Variants in KAZN observed in about 807,000 individuals in gnomAD.
The protein encoded by KAZN is kazrin.
Under a neutral mutation model 87.4 loss-of-function variants are expected in KAZN, and 40 were observed. That is an observed-to-expected ratio of 0.46 (90% CI 0.36 to 0.60). The LOEUF (loss-of-function observed/expected upper bound fraction) is 0.60. Ranked by LOEUF, KAZN falls within the 20% of genes least tolerant of loss-of-function variation. KAZN has a pLI of 0.00. For missense variants in KAZN, 898 were observed against 1,073.9 expected (o/e 0.84, Z 2.29); for synonymous variants, 466 against 458.3 (o/e 1.02, Z -0.22).
chr1:14,273,022 A>G (rs926945946), intron 2 of KAZN, among the ~76,000 whole-genome samples: 2 of 152,110 alleles, frequency 1.3e-5, no homozygotes, highest in Non-Finnish European at 2.9e-5. Flanking sequence ...AAGCTTAGAG[A>G]GAGGAAACGA....
intron 10 of KAZN, among the ~76,000 whole-genome samples, chr1:15,098,509 C>T (rs1446857406): frequency 6.6e-6 from 1 of 152,250 alleles, no homozygotes; most frequent in Non-Finnish European, 1.5e-5. Flanking sequence ...CACCCCAACT[C>T]TTGTTGCACC....
chr1:14,030,605 GAA>G (rs1641281262), intron 1 of KAZN, among the ~76,000 whole-genome samples: 1 of 149,740 alleles, frequency 6.7e-6, no homozygotes, highest in Non-Finnish European at 1.5e-5. Context: ...AAATGTGAAA[GAA>G]AGAGAAAAAA....
intron 2 of KAZN, among the ~76,000 whole-genome samples, chr1:14,292,634 A>G (rs1429131971): frequency 1.3e-5 from 2 of 152,182 alleles, no homozygotes; most frequent in Non-Finnish European, 2.9e-5. Context: ...GCCTCATTGC[A>G]GAGGTGCAGA....
intron 2 of KAZN, among the ~76,000 whole-genome samples, chr1:14,325,689 G>A (rs1656360630): frequency 6.6e-6 from 1 of 152,170 alleles, no homozygotes; most frequent in Non-Finnish European, 1.5e-5. Context: ...ATCTAAGTAG[G>A]TAGAAGAAAG....
chr1:15,070,640 G>C (rs950137486), intron 8 of KAZN, among the ~76,000 whole-genome samples: 17 of 152,178 alleles, frequency 1.1e-4, no homozygotes, highest in African/African-American at 4.1e-4. Context: ...TGAACCGTGG[G>C]GGACATCAGT....
intron 2 of KAZN, among the ~76,000 whole-genome samples, chr1:14,340,798 T>C (rs1048515424): frequency 1.3e-5 from 2 of 152,086 alleles, no homozygotes; most frequent in African/African-American, 2.4e-5. Flanking sequence ...TTGAATCAGT[T>C]AAAACAATTA....
At chr1:14,885,472 T>A (rs1653935287) in intron 1 of KAZN, among the ~76,000 whole-genome samples, 1 of 152,240 alleles carries the variant, frequency 6.6e-6, no homozygotes, top group South Asian at 2.1e-4. Context: ...CAGGTCTGCC[T>A]GTAGACTCTG....
chr1:14,039,208 C>T (rs533613048), intron 1 of KAZN, among the ~76,000 whole-genome samples: 47 of 151,182 alleles, frequency 3.1e-4, no homozygotes, highest in African/African-American at 1.1e-3. Context: ...AAAGTAATAG[C>T]TATTTGAGAA....
intron 2 of KAZN, among the ~76,000 whole-genome samples, chr1:14,443,523 G>A (rs866083302): frequency 1.9e-4 from 29 of 152,360 alleles, no homozygotes; most frequent in African/African-American, 7.0e-4. Flanking sequence ...GAGAGAGCAA[G>A]GGAGAGTCTC....
chr1:14,902,528 A>G (rs779092228), intron 1 of KAZN, among the ~76,000 whole-genome samples: 2 of 152,178 alleles, frequency 1.3e-5, no homozygotes, highest in Non-Finnish European at 2.9e-5. Flanking sequence ...GCGCCCAGCC[A>G]GAACTGCAAT....
chr1:14,873,881 G>A (rs1335783420), intron 1 of KAZN, among the ~76,000 whole-genome samples: 1 of 152,202 alleles, frequency 6.6e-6, no homozygotes, highest in Non-Finnish European at 1.5e-5. Context: ...TGACGTGGTG[G>A]ATGTGGTGGG....
In KAZN at chr1:14,949,420, T is replaced by G. The variant is rs1181027827; in HGVS notation, c.227-11264T>G. Among the ~76,000 whole-genome samples, 1 of 152,098 alleles carries G rather than the reference T, an allele frequency of 6.6e-6. No individual in the cohort carries two copies. The highest frequency in any genetic ancestry group is 6.5e-5 in the Admixed American group (1 of 15,272). On this transcript the variant is annotated intron_variant, in intron 1 of 14. Coordinates refer to ENST00000376030, the MANE Select transcript of KAZN (RefSeq NM_201628.3). This position sits in a 1 kb window ranked among gnomAD's most constrained non-coding sequence, Gnocchi z 4.3. ...TCCCAAGTAGGTAGGAGCAGACTGT[T>G]CATAAGTCATCAAGGAGGCCTGGCC...
At chr1:14,175,227 C>T (rs1316083567) in intron 1 of KAZN, among the ~76,000 whole-genome samples, 4 of 152,210 alleles carry the variant, frequency 2.6e-5, no homozygotes, top group African/African-American at 9.6e-5. Context: ...CCTCAGCCTC[C>T]AGAGTAGCTG....
intron 1 of KAZN, among the ~76,000 whole-genome samples, chr1:14,038,368 T>C (rs1641650432): frequency 6.6e-6 from 1 of 152,124 alleles, no homozygotes; most frequent in South Asian, 2.1e-4. Context: ...TATGGTTCTC[T>C]GGAGGGAGAA....
chr1:15,044,766 T>G (rs1207234962), intron 4 of KAZN, among the ~76,000 whole-genome samples: 1 of 152,092 alleles, frequency 6.6e-6, no homozygotes. Flanking sequence ...AAATTTTTTT[T>G]GTTTAAAATA....
chr1:14,588,429 G>T (rs1675986115), intron 2 of KAZN, among the ~76,000 whole-genome samples: 1 of 152,204 alleles, frequency 6.6e-6, no homozygotes, highest in Non-Finnish European at 1.5e-5. Context: ...AAATTATCTT[G>T]AAAATAGAAA....
chr1:14,278,617 G>C (rs557707281), intron 2 of KAZN, among the ~76,000 whole-genome samples: 43 of 152,228 alleles, frequency 2.8e-4, no homozygotes, highest in Admixed American at 2.0e-3. Flanking sequence ...TAAATATCTA[G>C]TCACTGCTTA....
intron 2 of KAZN, among the ~76,000 whole-genome samples, chr1:14,377,453 A>G (rs1171921582): frequency 6.6e-6 from 1 of 152,200 alleles, no homozygotes; most frequent in Non-Finnish European, 1.5e-5. Context: ...GACAGTAGAA[A>G]ACGTAAGAAA....
chr1:14,289,491 C>G (rs1208853887), intron 2 of KAZN, among the ~76,000 whole-genome samples: 1 of 151,246 alleles, frequency 6.6e-6, no homozygotes, highest in Non-Finnish European at 1.5e-5. Context: ...TTATCAGAGA[C>G]TAGGATTGTA....
Sources: gnomAD v4.1 joint callset for allele counts (sites outside exome capture counted in the v4.1 genomes callset) on GRCh38, gnomAD v4.1.1 for gene constraint, Gnocchi (gnomAD v3.1) non-coding constraint, MANE v1.5 for transcripts, NCBI Gene and HGNC (gene_info 2026-07-23, HGNC 2026-07-21) for gene names.